The following DMXL1 variants were observed in gnomAD, a reference collection of about 807,000 sequenced individuals.
DMXL1 encodes dmX-like protein 1.
In DMXL1, 99 loss-of-function variants were observed where a neutral mutation model predicts 319.2. The observed-to-expected ratio is 0.31, with a 90% CI of 0.26 to 0.37. The LOEUF (loss-of-function observed/expected upper bound fraction) is 0.37, where lower values mean the gene tolerates loss of function less well. Among genes scored for constraint, DMXL1 ranks in the 10% least tolerant of loss-of-function variants. The pLI, the probability that DMXL1 is intolerant of heterozygous loss-of-function variation, is 1.00. For missense variants in DMXL1, 3,745 were observed against 3,595.6 expected, an observed-to-expected ratio of 1.04 and a Z score of -1.06; for synonymous variants, 1,385 against 1,235.2, an observed-to-expected ratio of 1.12 and a Z score of -2.54.
At position 119,144,706 on chromosome 5, in the gene DMXL1, A is replaced by G. The variant is rs890416804; in HGVS notation, c.2569+68A>G. The stretch of plus-strand genomic sequence containing the variant: ...TATGTTAGGCAGTTAATAAAGATGA[A>G]TTGGTAAAATGCTTTACATTGTCTA... On this transcript the variant is annotated intron_variant, in intron 15 of 43. Coordinates refer to ENST00000539542, the MANE Select transcript of DMXL1 (RefSeq NM_001290321.3). The G allele has an allele frequency of 4.1e-5, 39 of 958,802 alleles. No individual in the cohort carries two copies. The Admixed American group carries it at 4.7e-4, about 11-fold the overall frequency. 59.4% of individuals were successfully genotyped at this position (958,802 alleles called of 1,614,324 possible). A position where few individuals can be genotyped will look rare whatever the true frequency, so the allele number is the denominator to read the frequency against.
intron 1 of DMXL1, chr5:119,081,495 C>A: frequency 2.3e-6 from 2 of 866,878 alleles, no homozygotes; most frequent in Non-Finnish European, 2.8e-6. Flanking sequence ...TGAGAACATA[C>A]TTTGACTCAA....
At chr5:119,140,597 G>A (rs1277179859) in intron 13 of DMXL1, among the ~76,000 whole-genome samples, 2 of 152,030 alleles carry the variant, frequency 1.3e-5, no homozygotes, top group Non-Finnish European at 2.9e-5. Context: ...TACGAGCTCC[G>A]AAATTGAGTC....
chr5:119,132,994 C>T (rs1265492484), intron 10 of DMXL1, 138 bp from the exon 11 acceptor site: 11 of 792,318 alleles, frequency 1.4e-5, no homozygotes, highest in South Asian at 9.3e-5. Context: ...TGAGGTGTGG[C>T]GGAAGGGGTA....
chr5:119,218,649 G>A (rs548562253), intron 35 of DMXL1, among the ~76,000 whole-genome samples: 4 of 152,078 alleles, frequency 2.6e-5, no homozygotes, highest in South Asian at 2.1e-4. Flanking sequence ...TAGAGACGGC[G>A]TTTCACCATG....
At chr5:119,242,965 C>G (rs1311821880) in intron 42 of DMXL1, among the ~76,000 whole-genome samples, 2 of 152,208 alleles carry the variant, frequency 1.3e-5, no homozygotes, top group East Asian at 3.9e-4. Flanking sequence ...GGACCATAAA[C>G]CTGCATGTAA....
chr5:119,100,401 A>G (rs1328133305), intron 2 of DMXL1, among the ~76,000 whole-genome samples: 1 of 151,698 alleles, frequency 6.6e-6, no homozygotes, highest in Admixed American at 6.6e-5. Context: ...GTGCCACTGC[A>G]TTTCAACCTG....
intron 3 of DMXL1, among the ~76,000 whole-genome samples, chr5:119,102,674 A>C (rs1757513646): frequency 6.6e-6 from 1 of 152,170 alleles, no homozygotes; most frequent in Non-Finnish European, 1.5e-5. Context: ...ACATGCCTAT[A>C]GTCTCACCTG....
chr5:119,225,710 C>A (rs1200020486), intron 38 of DMXL1, among the ~76,000 whole-genome samples: 1 of 152,002 alleles, frequency 6.6e-6, no homozygotes, highest in Non-Finnish European at 1.5e-5. Flanking sequence ...CTCAAGAGAA[C>A]CGTATATGTA....
At chr5:119,089,277 C>CATATATATATATGTATAT (rs1754081342) in intron 1 of DMXL1, among the ~76,000 whole-genome samples, 1 of 31,492 alleles carries the variant, frequency 3.2e-5, no homozygotes, top group Non-Finnish European at 5.4e-5. Context: ...TATATATATA[C>CATATATATATATGTATAT]ATATATATAT....
rs1581140635 is a variant in DMXL1, at chr5:119,171,312, A to G, written c.6489+32A>G. The G allele has an allele frequency of 1.0e-5, 16 of 1,543,872 alleles. No individual in the cohort carries two copies. In the East Asian group the frequency reaches 3.4e-4, roughly 33 times the overall value. On this transcript the variant is annotated intron_variant, in intron 24 of 43. Coordinates refer to ENST00000539542, the MANE Select transcript of DMXL1 (RefSeq NM_001290321.3). ...AATTTACTTGATAGTCAAAAATGGTACATGTCTAAAACTGTTTTTGGTGTT... is the reference window on the plus strand; with the variant it reads ...AATTTACTTGATAGTCAAAAATGGTGCATGTCTAAAACTGTTTTTGGTGTT...
chr5:119,080,509 G>C (rs1428591140), intron 1 of DMXL1, among the ~76,000 whole-genome samples: 1 of 151,828 alleles, frequency 6.6e-6, no homozygotes, highest in African/African-American at 2.4e-5. Flanking sequence ...CAAAGATTTG[G>C]AAATATCCTT....
At chr5:119,214,737 A>G (rs1263882198) in intron 34 of DMXL1, among the ~76,000 whole-genome samples, 1 of 152,202 alleles carries the variant, frequency 6.6e-6, no homozygotes, top group East Asian at 1.9e-4. Context: ...CCTTACTGAG[A>G]AACAATGTTT....
At position 119,247,639 on chromosome 5, in the gene DMXL1, A is replaced by G. The variant is rs1384366595; in HGVS notation, c.*420A>G. 8 of 152,504 alleles carry G rather than the reference A, an allele frequency of 5.2e-5. No individual in the cohort carries two copies. The highest frequency in any genetic ancestry group is 3.3e-4 in the Admixed American group (5 of 15,302). 9.4% of individuals were successfully genotyped at this position (152,504 alleles called of 1,614,324 possible). On this transcript the variant is annotated 3_prime_UTR_variant, in exon 44 of 44. Transcript: ENST00000539542. ...TTCCTTTATTAGCCTTATACATCTCAAACTCTTCTCTTAATTAATGATAGG... is the reference window on the plus strand; with the variant it reads ...TTCCTTTATTAGCCTTATACATCTCGAACTCTTCTCTTAATTAATGATAGG...
chr5:119,113,520 C>T (rs1760141558), intron 5 of DMXL1, among the ~76,000 whole-genome samples: 5 of 152,192 alleles, frequency 3.3e-5, no homozygotes, highest in South Asian at 2.1e-4. Context: ...GGATTACAGG[C>T]GTGAGCCACT....
intron 38 of DMXL1, among the ~76,000 whole-genome samples, chr5:119,232,917 A>G (rs80015081): frequency 0.072 from 10,991 of 151,970 alleles, 1,071 homozygotes; most frequent in African/African-American, 0.21. Context: ...CTTTAGCATG[A>G]CATTTAAAAC....
chr5:119,143,164 A>G (rs940786309), intron 13 of DMXL1, among the ~76,000 whole-genome samples: 6 of 152,166 alleles, frequency 3.9e-5, no homozygotes, highest in East Asian at 3.9e-4. Context: ...AATCTGTACA[A>G]CAAAGCCCTG....
rs531745857 is a variant in DMXL1 at position 119,242,048 on chromosome 5, T to C, written c.8704+1577T>C. ...TTTGTGTGCGTATGTTTCAATAAAT[T>C]TAACTTTTTGTAATTTGTGTATATT... On this transcript the variant is annotated intron_variant, in intron 42 of 43. Coordinates refer to ENST00000539542, the MANE Select transcript of DMXL1 (RefSeq NM_001290321.3). 2.4e-3 allele frequency among the ~76,000 whole-genome samples: 369 copies of C among 152,350 alleles called. 1 individual carries two copies. Among genetic ancestry groups the C allele is most frequent in the Non-Finnish European group, 4.4e-3 (298 of 68,026 alleles).
chr5:119,145,737 G>A (rs1008943003), intron 15 of DMXL1, among the ~76,000 whole-genome samples: 1 of 151,506 alleles, frequency 6.6e-6, no homozygotes, highest in South Asian at 2.1e-4. Context: ...TTAAGGCTAA[G>A]ATTTTTCTTA....
intron 19 of DMXL1, among the ~76,000 whole-genome samples, chr5:119,156,916 CTGA>C (rs1342206439): frequency 2.0e-5 from 3 of 151,942 alleles, no homozygotes; most frequent in Non-Finnish European, 1.5e-5. Flanking sequence ...TTGCATTTTC[CTGA>C]TGATTATAGA....
Sources: allele counts gnomAD v4.1 joint callset (sites outside exome capture counted in the v4.1 genomes callset), GRCh38; gene constraint gnomAD v4.1.1; transcripts MANE v1.5; gene names NCBI Gene and HGNC (gene_info 2026-07-23, HGNC 2026-07-21).